The following PPAT variants were observed in gnomAD, a reference collection of about 807,000 sequenced individuals.
PPAT encodes amidophosphoribosyltransferase.
A neutral mutation model predicts 60.2 loss-of-function variants in PPAT; 20 were observed. That is an observed-to-expected ratio of 0.33 (90% CI 0.23 to 0.48). The LOEUF is 0.48. Among genes scored for constraint, PPAT ranks in the 20% least tolerant of loss-of-function variants. PPAT has a pLI of 0.99. For synonymous variants in PPAT, 194 were observed against 215.1 expected, an observed-to-expected ratio of 0.90 and a Z score of 0.86; for missense variants, 349 against 629.6, an observed-to-expected ratio of 0.55 and a Z score of 4.77.
At chr4:56,419,944 C>T (rs1314492088) in intron 1 of PPAT, 94 of 982,852 alleles carry the variant, frequency 9.6e-5, no homozygotes, top group Non-Finnish European at 1.1e-4. Context: ...GAGTTGGATG[C>T]TATTCTGGGA....
At chr4:56,427,616 C>T (rs185339244) in intron 1 of PPAT, among the ~76,000 whole-genome samples, 10 of 147,874 alleles carry the variant, frequency 6.8e-5, no homozygotes, top group Non-Finnish European at 1.3e-4. Flanking sequence ...ACGCCAGCCT[C>T]GGCAACATAG....
intron 1 of PPAT, among the ~76,000 whole-genome samples, chr4:56,408,924 T>TA (rs1472230622): frequency 6.6e-6 from 1 of 152,070 alleles, no homozygotes; most frequent in Non-Finnish European, 1.5e-5. Flanking sequence ...TAACCTTGTA[T>TA]AAAAAATGTT....
intron 1 of PPAT, among the ~76,000 whole-genome samples, chr4:56,412,360 G>A (rs539393881): frequency 6.7e-6 from 1 of 149,808 alleles, no homozygotes; most frequent in East Asian, 2.0e-4. Flanking sequence ...CCAAGCTGAA[G>A]TGCAGTGGTG....
At chr4:56,402,277 C>T (rs942977227) in intron 5 of PPAT, 96 bp from the exon 6 acceptor site, 7 of 841,894 alleles carry the variant, frequency 8.3e-6, no homozygotes, top group Non-Finnish European at 1.3e-5. Context: ...GTAAATAAAA[C>T]TCATAGAATA....
chr4:56,427,007 T>C (rs1247656252), intron 1 of PPAT, among the ~76,000 whole-genome samples: 1 of 152,226 alleles, frequency 6.6e-6, no homozygotes, highest in Non-Finnish European at 1.5e-5. Flanking sequence ...TATTCGTCCA[T>C]TTGTGCCTGG....
intron 9 of PPAT, among the ~76,000 whole-genome samples, chr4:56,398,805 A>T (rs1259427388): frequency 6.6e-6 from 1 of 151,796 alleles, no homozygotes; most frequent in African/African-American, 2.4e-5. Context: ...GTTTTTTAAA[A>T]TTTAATTTTA....
intron 1 of PPAT, among the ~76,000 whole-genome samples, chr4:56,433,859 T>C (rs1717744738): frequency 6.6e-6 from 1 of 152,182 alleles, no homozygotes; most frequent in African/African-American, 2.4e-5. Context: ...CACACCCAGC[T>C]AATTGTATTT....
At chr4:56,397,480 C>T (rs1716004700) in intron 9 of PPAT, among the ~76,000 whole-genome samples, 1 of 152,082 alleles carries the variant, frequency 6.6e-6, no homozygotes, top group South Asian at 2.1e-4. Context: ...AACTGGCATG[C>T]TGCTTTTCAT....
chr4:56,415,985 G>T lies in PPAT; in HGVS notation c.129-8269C>A, dbSNP rs534050988. On this transcript the variant is annotated intron_variant, in intron 1 of 10. Transcript: ENST00000264220. ...CTCATAAGGCTGAGGCAGGAGAATT[G>T]CTTGAACCCGGGAGGCGGAGGTTGC... 3.3e-5 allele frequency among the ~76,000 whole-genome samples: 5 copies of T among 151,728 alleles called. No individual in the cohort carries two copies. The South Asian group carries it at 1.0e-3, about 32-fold the overall frequency.
In PPAT at chr4:56,400,885, G is replaced by A. The variant is rs768450806; in HGVS notation, c.913C>T (p.Arg305Cys). The change falls in exon 8 of 11, where the codon CGT becomes TGT. Residue 305 changes from arginine to cysteine, a missense_variant. Around this residue, in one of 5 missense-constraint regions of PPAT, gnomAD observed 167 missense variants for 328.6 expected, o/e 0.51. Coordinates refer to ENST00000264220, the MANE Select transcript of PPAT (RefSeq NM_002703.5). The stretch of plus-strand genomic sequence containing the variant: ...TCAATCGCTAGCTGCTGGCCACAAC[G>A]GTATCTTACTGTATAAACCATTTGG... The part of the protein sequence containing the change: ...EDQMVYTVRY[R>C]CGQQLAIEAP... 7 of 1,612,320 alleles carry A rather than the reference G, an allele frequency of 4.3e-6. No individual in the cohort carries two copies. The East Asian group carries it at 8.9e-5, about 21-fold the overall frequency.
At chr4:56,431,495 G>C in intron 1 of PPAT, 1 of 979,884 alleles carries the variant, frequency 1.0e-6, no homozygotes, top group Non-Finnish European at 1.2e-6. Flanking sequence ...CGTAATAACA[G>C]AACCAAAAGA....
chr4:56,419,396 A>T (rs1716926454), intron 1 of PPAT, among the ~76,000 whole-genome samples: 1 of 152,158 alleles, frequency 6.6e-6, no homozygotes, highest in South Asian at 2.1e-4. Flanking sequence ...AAATATGACT[A>T]AAAAAACACA....
rs182041008 is a variant in PPAT at position 56,397,005 on chromosome 4, C to T, written c.1237-266G>A. 5.3e-3 allele frequency: 1,307 copies of T among 246,780 alleles called. 8 individuals are homozygous for T. Among genetic ancestry groups the T allele is most frequent in the Middle Eastern group, 0.028 (21 of 750 alleles). 15.3% of individuals were successfully genotyped at this position (246,780 alleles called of 1,614,324 possible). A position where few individuals can be genotyped will look rare whatever the true frequency, so the allele number is the denominator to read the frequency against. On this transcript the variant is annotated intron_variant, in intron 9 of 10. Transcript: ENST00000264220. ...TGTAATACCAGGTACTTCTGCTTAT[C>T]CCTTATCTTACCATTTTAAAAAGAA... is the stretch of plus-strand genomic sequence containing the variant.
rs765223715 is a variant in PPAT at position 56,396,791 on chromosome 4, T to C, written c.1237-52A>G. 3 of 1,558,928 alleles carry C rather than the reference T, an allele frequency of 1.9e-6. No individual in the cohort carries two copies. The highest frequency in any genetic ancestry group is 2.4e-5 in the South Asian group (2 of 83,438). On this transcript the variant is annotated intron_variant, in intron 9 of 10. Transcript: ENST00000264220. This position sits in a 1 kb window ranked among gnomAD's most constrained non-coding sequence, Gnocchi z 4.6. ...GTTTTTAAGACTATGCAAAATTCTT[T>C]CATTGTGCAAATACAATACAAAATT...
chr4:56,431,799 TAAG>T (rs1437536713), intron 1 of PPAT, among the ~76,000 whole-genome samples: 1 of 152,210 alleles, frequency 6.6e-6, no homozygotes, highest in Non-Finnish European at 1.5e-5. Context: ...ATGTTTATTC[TAAG>T]AAGGGGTGTC....
At chr4:56,434,778 ATCAACTAG>A (rs1239983665) in intron 1 of PPAT, among the ~76,000 whole-genome samples, 1 of 152,236 alleles carries the variant, frequency 6.6e-6, no homozygotes, top group African/African-American at 2.4e-5. Flanking sequence ...CATTCTCAAC[ATCAACTAG>A]TCATCTTTCC....
At chr4:56,403,266 G>A (rs537982103) in intron 4 of PPAT, 23 bp downstream of exon 4, 3 of 1,601,418 alleles carry the variant, frequency 1.9e-6, no homozygotes, top group African/African-American at 1.3e-5. Context: ...AGAGCTCTAA[G>A]TTTAGTCCAG....
intron 3 of PPAT, 24 bp from the exon 4 acceptor site, chr4:56,403,425 T>TA (rs34121369): frequency 0.38 from 597,442 of 1,568,572 alleles, 119,713 homozygotes; most frequent in Non-Finnish European, 0.41. Flanking sequence ...AAGAGAAGTT[T>TA]AATCATCAGA....
In PPAT at chr4:56,395,532, C is replaced by T. The variant is rs768309189; in HGVS notation, c.1374G>A (p.Val458=). 1.3e-6 allele frequency: 2 copies of T among 1,575,530 alleles called. No homozygotes were observed. The highest frequency in any genetic ancestry group is 1.7e-6 in the Non-Finnish European group (2 of 1,166,264). The change falls in exon 11 of 11, where the codon GTG becomes GTA. Residue 458 remains valine, a synonymous_variant. Coordinates refer to ENST00000264220, the MANE Select transcript of PPAT (RefSeq NM_002703.5). ...LAEYLGANSV[V]YLSVEGLVSS... ...AAACCAGTCCTTCTACTGACAGATACACAACACTGTTTGCTCCTAAAGAAA... is the reference window on the plus strand; with the variant it reads ...AAACCAGTCCTTCTACTGACAGATATACAACACTGTTTGCTCCTAAAGAAA...
Sources: allele counts gnomAD v4.1 joint callset (sites outside exome capture counted in the v4.1 genomes callset), GRCh38; gene constraint gnomAD v4.1.1; regional missense constraint gnomAD v4.1.1; non-coding constraint Gnocchi (gnomAD v3.1); transcripts MANE v1.5; gene names NCBI Gene and HGNC (gene_info 2026-07-23, HGNC 2026-07-21).